Variants in TENM4 observed in about 807,000 individuals in gnomAD.
TENM4 encodes teneurin transmembrane protein 4, also known as teneurin-4.
In TENM4, 82 loss-of-function variants were observed where a neutral mutation model predicts 243.3. The ratio of observed to expected loss-of-function variants is 0.34; its 90% CI spans 0.28 to 0.40. The LOEUF is 0.40. Among genes scored for constraint, TENM4 ranks in the 10% least tolerant of loss-of-function variants. The pLI is 1.00. For synonymous variants in TENM4, 1,412 were observed against 1,456.3 expected, an observed-to-expected ratio of 0.97 and a Z score of 0.69; for missense variants, 3,138 against 3,673.3, an observed-to-expected ratio of 0.85 and a Z score of 3.77.
chr11:78,800,816 G>A lies in TENM4; in HGVS notation c.2179+4476C>T, dbSNP rs1399171263. Among the ~76,000 whole-genome samples the A allele has an allele frequency of 2.6e-5, 4 of 151,854 alleles. No homozygotes were observed. In the East Asian group the frequency reaches 7.8e-4, roughly 29 times the overall value. On this transcript the variant is annotated intron_variant, in intron 15 of 33. Coordinates refer to ENST00000278550, the MANE Select transcript of TENM4 (RefSeq NM_001098816.3). The stretch of plus-strand genomic sequence containing the variant: ...TAACATAGTGTTTAGGAGAGACCTT[G>A]GAGCCAGATGTGGTTTGAATCTGGA...
intron 12 of TENM4, among the ~76,000 whole-genome samples, chr11:78,823,006 G>C (rs1004847667): frequency 6.6e-6 from 1 of 152,146 alleles, no homozygotes; most frequent in East Asian, 1.9e-4. Context: ...CCTCCTTCCT[G>C]GCTGTTGGCA....
chr11:79,200,239 T>C (rs946286722), intron 3 of TENM4, among the ~76,000 whole-genome samples: 12 of 152,226 alleles, frequency 7.9e-5, no homozygotes, highest in African/African-American at 2.9e-4. Flanking sequence ...CCTAGCTGTC[T>C]CTTCCTCCAG....
intron 6 of TENM4, among the ~76,000 whole-genome samples, chr11:79,003,994 G>GAAAA (rs34985685): frequency 1.1e-4 from 15 of 131,000 alleles, no homozygotes; most frequent in East Asian, 4.3e-4. Flanking sequence ...TCTAATTTCA[G>GAAAA]AAAAAAAAAA....
intron 1 of TENM4, among the ~76,000 whole-genome samples, chr11:79,396,584 G>A (rs1002487393): frequency 6.6e-6 from 1 of 152,168 alleles, no homozygotes; most frequent in Non-Finnish European, 1.5e-5. Context: ...TCCACCCCAG[G>A]GCAAGGAAAT....
At position 79,219,421 on chromosome 11, in the gene TENM4, C is replaced by G. The variant is rs189670366; in HGVS notation, c.-264-3512G>C. Reference sequence around the variant, plus strand: ...GCTCTAGGAAGATGAATGTGGCAAGCCTTGCACAATATGAATTGGAAGTGG... The same window carrying G: ...GCTCTAGGAAGATGAATGTGGCAAGGCTTGCACAATATGAATTGGAAGTGG... On this transcript the variant is annotated intron_variant, in intron 2 of 33. Coordinates refer to ENST00000278550, the MANE Select transcript of TENM4 (RefSeq NM_001098816.3). Among the ~76,000 whole-genome samples, 307 of 152,278 alleles carry G rather than the reference C, an allele frequency of 2.0e-3. 5 individuals carry two copies. Among genetic ancestry groups the G allele is most frequent in the Admixed American group, 0.016 (242 of 15,288 alleles).
intron 6 of TENM4, among the ~76,000 whole-genome samples, chr11:78,963,754 C>A (rs1857379965): frequency 7.3e-6 from 1 of 137,630 alleles, no homozygotes; most frequent in African/African-American, 2.7e-5. Context: ...TTTTTTGAGA[C>A]AGAGTCTCAC....
At chr11:79,262,250 A>G (rs962271985) in intron 2 of TENM4, among the ~76,000 whole-genome samples, 5 of 152,150 alleles carry the variant, frequency 3.3e-5, no homozygotes, top group Admixed American at 1.3e-4. Context: ...CTGCTGTGAG[A>G]GGGCATGGAA....
Position 78,657,970 on chromosome 11 carries a change from A to C in TENM4, c.*88T>G. 6.3e-7 allele frequency: 1 copy of C among 1,598,128 alleles called. No individual in the cohort carries two copies. Among genetic ancestry groups the C allele is most frequent in the Non-Finnish European group, 8.6e-7 (1 of 1,167,312 alleles). ...ATCTTTTTGTTTCTGCACTTGTTAA[A>C]AAATCATTTTTTTAAAAGTACAACA... On this transcript the variant is annotated 3_prime_UTR_variant, in exon 34 of 34. Coordinates refer to ENST00000278550, the MANE Select transcript of TENM4 (RefSeq NM_001098816.3).
chr11:79,001,760 C>T (rs540743451), intron 6 of TENM4, among the ~76,000 whole-genome samples: 60 of 152,256 alleles, frequency 3.9e-4, no homozygotes, highest in South Asian at 3.3e-3. Context: ...TCCTGGGACC[C>T]GAGTTTGGCC....
chr11:79,295,963 C>T (rs553164530), intron 2 of TENM4, among the ~76,000 whole-genome samples: 1 of 151,606 alleles, frequency 6.6e-6, no homozygotes, highest in Admixed American at 6.6e-5. Context: ...CACACATTCA[C>T]AGTCACATTC....
At chr11:79,049,424 G>A (rs547424105) in intron 6 of TENM4, among the ~76,000 whole-genome samples, 3 of 152,322 alleles carry the variant, frequency 2.0e-5, no homozygotes, top group Non-Finnish European at 4.4e-5. Context: ...CTACAAGGCC[G>A]TCCTGAGAAG....
intron 1 of TENM4, among the ~76,000 whole-genome samples, chr11:79,299,609 T>G (rs1856518545): frequency 6.6e-6 from 1 of 152,212 alleles, no homozygotes; most frequent in Admixed American, 6.5e-5. Flanking sequence ...AACCACATTT[T>G]GAAAATATGA....
chr11:78,693,231 TGGTACCTTTTA>T, intron 28 of TENM4, among the ~76,000 whole-genome samples: 2 of 152,372 alleles, frequency 1.3e-5, no homozygotes, highest in South Asian at 4.1e-4. Context: ...AATATTCATG[TGGTACCTTTTA>T]GGTACCAAGC....
intron 7 of TENM4, among the ~76,000 whole-genome samples, chr11:78,896,660 C>A (rs77825993): frequency 2.0e-5 from 3 of 152,132 alleles, no homozygotes; most frequent in Non-Finnish European, 4.4e-5. Context: ...GCCTATCTCT[C>A]AGCTAAAAAT....
At chr11:79,023,086 C>G (rs1442096107) in intron 6 of TENM4, among the ~76,000 whole-genome samples, 1 of 152,102 alleles carries the variant, frequency 6.6e-6, no homozygotes, top group African/African-American at 2.4e-5. Flanking sequence ...ACTAACATAA[C>G]CACTTCATTT....
At chr11:78,863,408 G>T (rs376856488) in intron 9 of TENM4, among the ~76,000 whole-genome samples, 1 of 152,306 alleles carries the variant, frequency 6.6e-6, no homozygotes, top group South Asian at 2.1e-4. Flanking sequence ...TCTTTGCTTC[G>T]AAAGATAAAT....
At chr11:79,034,059 A>G (rs1859312872) in intron 6 of TENM4, among the ~76,000 whole-genome samples, 1 of 152,194 alleles carries the variant, frequency 6.6e-6, no homozygotes, top group Non-Finnish European at 1.5e-5. Context: ...CAGTTTCCTT[A>G]TCTGTAAAAT....
intron 9 of TENM4, among the ~76,000 whole-genome samples, chr11:78,875,192 G>A (rs898361581): frequency 6.6e-6 from 1 of 152,118 alleles, no homozygotes; most frequent in Non-Finnish European, 1.5e-5. Context: ...ACGGATGGAT[G>A]TTCATTTTTC....
rs1212554986 is a variant in TENM4 at position 78,655,823 on chromosome 11, C to T, written c.*2235G>A. ...CGTAAGTCCCTTCTGGAGGACAAAA[C>T]TTGTGTTCTTCAGGCCAAACTGTTT... On this transcript the variant is annotated 3_prime_UTR_variant, in exon 34 of 34. Transcript: ENST00000278550. The T allele has an allele frequency of 6.6e-6, 1 of 152,232 alleles. No homozygotes were observed. Among genetic ancestry groups the T allele is most frequent in the Non-Finnish European group, 1.5e-5 (1 of 68,054 alleles). 9.4% of individuals were successfully genotyped at this position (152,232 alleles called of 1,614,324 possible).
Sources: gnomAD v4.1 joint callset for allele counts (sites outside exome capture counted in the v4.1 genomes callset) on GRCh38, gnomAD v4.1.1 for gene constraint, MANE v1.5 for transcripts, NCBI Gene and HGNC (gene_info 2026-07-23, HGNC 2026-07-21) for gene names.